The following SPAG16 variants were observed in gnomAD, a reference collection of about 807,000 sequenced individuals.
SPAG16 encodes the protein sperm-associated antigen 16 protein.
Under a neutral mutation model 80.4 loss-of-function variants are expected in SPAG16, and 86 were observed. The observed-to-expected ratio is 1.07, with a 90% confidence interval of 0.90 to 1.28. SPAG16 has a LOEUF of 1.28. Among genes scored for constraint, SPAG16 ranks in the 50% most tolerant of loss-of-function variants. The probability of loss-of-function intolerance (pLI) is 0.00; values close to 1 mark genes in which losing one functional copy is unlikely to be tolerated. For synonymous variants in SPAG16, 294 were observed against 265.9 expected (o/e 1.11, Z -1.03); for missense variants, 870 against 765.3 (o/e 1.14, Z -1.61).
At chr2:214,035,081 G>T (rs1313653903) in intron 13 of SPAG16, among the ~76,000 whole-genome samples, 1 of 152,132 alleles carries the variant, frequency 6.6e-6, no homozygotes, top group East Asian at 1.9e-4. Context: ...CCACAGCTAG[G>T]GTGTCACAAC....
chr2:213,727,861 A>T (rs12694311), intron 10 of SPAG16, among the ~76,000 whole-genome samples: 131,323 of 151,888 alleles, frequency 0.86, 58,811 homozygotes, highest in Non-Finnish European at 0.98. Context: ...ATTTTATTTT[A>T]TTTTGAGACG....
chr2:214,380,103 G>T (rs1700362025), intron 15 of SPAG16, among the ~76,000 whole-genome samples: 1 of 152,214 alleles, frequency 6.6e-6, no homozygotes, highest in African/African-American at 2.4e-5. Context: ...GAGCAGGATG[G>T]TGAGATGGTG....
chr2:214,317,021 C>G (rs374758670), intron 15 of SPAG16, among the ~76,000 whole-genome samples: 40 of 152,206 alleles, frequency 2.6e-4, no homozygotes, highest in African/African-American at 9.4e-4. Flanking sequence ...GCTGATAATG[C>G]AACACAAACA....
At chr2:213,976,109 G>GATATATAT (rs1553685173) in intron 12 of SPAG16, among the ~76,000 whole-genome samples, 2,477 of 121,032 alleles carry the variant, frequency 0.02, 17 homozygotes, top group Middle Eastern at 0.032. Context: ...CAGTGAGGGA[G>GATATATAT]ATATATATAT....
chr2:214,378,491 C>T (rs1700259657), intron 15 of SPAG16, among the ~76,000 whole-genome samples: 1 of 152,108 alleles, frequency 6.6e-6, no homozygotes, highest in Admixed American at 6.5e-5. Flanking sequence ...GAAACTGGTT[C>T]CCTTATAAGT....
intron 10 of SPAG16, among the ~76,000 whole-genome samples, chr2:213,792,599 T>TTC (rs2070771157): frequency 6.7e-6 from 1 of 148,554 alleles, no homozygotes; most frequent in Non-Finnish European, 1.5e-5. Flanking sequence ...TTTTTTTTTT[T>TTC]TGGAGACCGG....
At chr2:213,707,718 CTCAG>C (rs1358838955) in intron 10 of SPAG16, among the ~76,000 whole-genome samples, 1 of 151,966 alleles carries the variant, frequency 6.6e-6, no homozygotes. Flanking sequence ...TTGACTCTCA[CTCAG>C]TAAGTGATAT....
intron 9 of SPAG16, among the ~76,000 whole-genome samples, chr2:213,377,101 G>C (rs1371707052): frequency 6.6e-6 from 1 of 152,080 alleles, no homozygotes; most frequent in African/African-American, 2.4e-5. Flanking sequence ...AAATATTCTT[G>C]TTCTACCTTA....
intron 15 of SPAG16, among the ~76,000 whole-genome samples, chr2:214,284,977 T>C (rs1160212002): frequency 6.6e-6 from 1 of 152,210 alleles, no homozygotes; most frequent in Non-Finnish European, 1.5e-5. Flanking sequence ...ATTTTCTTTC[T>C]TTGGATTTAT....
chr2:213,505,985 C>T (rs566060890), intron 10 of SPAG16, among the ~76,000 whole-genome samples: 15 of 151,752 alleles, frequency 9.9e-5, no homozygotes, highest in Non-Finnish European at 1.8e-4. Context: ...TAATATAGCT[C>T]TTTATGTACT....
chr2:213,351,089 CGAG>C (rs2065303912), intron 7 of SPAG16, among the ~76,000 whole-genome samples: 1 of 152,088 alleles, frequency 6.6e-6, no homozygotes. Context: ...TGCAGTGAGC[CGAG>C]ATGGCCCCAT....
At position 213,839,700 on chromosome 2, in the gene SPAG16, A is replaced by C. The variant is rs1208209825; in HGVS notation, c.1071-22785A>C. Reference sequence around the variant, plus strand: ...GAATGTGACATTATTGTTGTACAGCAGTAAAGTTGACATGTACAGTATGCA... The same window carrying C: ...GAATGTGACATTATTGTTGTACAGCCGTAAAGTTGACATGTACAGTATGCA... On this transcript the variant is annotated intron_variant, in intron 10 of 15. Coordinates refer to ENST00000331683, the MANE Select transcript of SPAG16 (RefSeq NM_024532.5). Among the ~76,000 whole-genome samples the C allele has an allele frequency of 2.6e-5, 4 of 152,222 alleles. No homozygotes were observed. The South Asian group carries it at 6.2e-4, about 24-fold the overall frequency.
At chr2:213,889,586 C>T (rs2076697376) in intron 11 of SPAG16, among the ~76,000 whole-genome samples, 1 of 150,900 alleles carries the variant, frequency 6.6e-6, no homozygotes, top group Non-Finnish European at 1.5e-5. Flanking sequence ...GTGAAATAAA[C>T]AGCCTTGTTG....
rs144839419 is a variant in SPAG16, at chr2:213,658,854, G to A, written c.1070+168764G>A. ...GAGATGAGACCATCCTGGCCAACAT[G>A]GTGAAACCCTGTCTCTACTAAAAAT... On this transcript the variant is annotated intron_variant, in intron 10 of 15. Coordinates refer to ENST00000331683, the MANE Select transcript of SPAG16 (RefSeq NM_024532.5). Among the ~76,000 whole-genome samples, 16 of 152,292 alleles carry A rather than the reference G, an allele frequency of 1.1e-4. No homozygotes were observed. The East Asian group carries it at 3.1e-3, about 29-fold the overall frequency.
chr2:214,086,720 T>TA (rs764838896), intron 13 of SPAG16, among the ~76,000 whole-genome samples: 1 of 152,168 alleles, frequency 6.6e-6, no homozygotes, highest in Non-Finnish European at 1.5e-5. Context: ...GAGAACAGAC[T>TA]AATACAGTTG....
rs377442281 is a variant in SPAG16, at chr2:214,408,220, T to C, written c.1721-1920T>C. 3.3e-5 allele frequency among the ~76,000 whole-genome samples: 5 copies of C among 152,328 alleles called. No individual in the cohort carries two copies. In the East Asian group the frequency reaches 5.8e-4, roughly 18 times the overall value. ...AGCTAAATATTTTTCTTTTTCTTTA[T>C]GGACTTGGTTCTGTTTCGTTTTGTT... On this transcript the variant is annotated intron_variant, in intron 15 of 15. Transcript: ENST00000331683.
At chr2:213,304,368 T>A (rs1248393075) in intron 3 of SPAG16, among the ~76,000 whole-genome samples, 2 of 152,138 alleles carry the variant, frequency 1.3e-5, no homozygotes, top group African/African-American at 2.4e-5. Context: ...TGTGCAAAAC[T>A]TTTTAACTGA....
intron 13 of SPAG16, among the ~76,000 whole-genome samples, chr2:214,079,033 G>A (rs531957450): frequency 2.0e-5 from 3 of 152,034 alleles, no homozygotes; most frequent in East Asian, 1.9e-4. Context: ...TGGAATACAC[G>A]TTTAGGTCTT....
chr2:213,736,705 A>ATT (rs1559423284), intron 10 of SPAG16, among the ~76,000 whole-genome samples: 2 of 48,930 alleles, frequency 4.1e-5, no homozygotes, highest in Non-Finnish European at 1.3e-4. Flanking sequence ...ATTTTTAAAT[A>ATT]ATTTTTTTTT....
Sources: gnomAD v4.1 joint callset for allele counts (sites outside exome capture counted in the v4.1 genomes callset) on GRCh38, gnomAD v4.1.1 for gene constraint, MANE v1.5 for transcripts, NCBI Gene and HGNC (gene_info 2026-07-23, HGNC 2026-07-21) for gene names.